The following VPS8 variants were observed in gnomAD, a reference collection of about 807,000 sequenced individuals.
VPS8 encodes vacuolar protein sorting-associated protein 8 homolog.
VPS8 carries 129 observed loss-of-function variants against 216.4 expected under a neutral mutation model. That is an observed-to-expected ratio of 0.60 (90% CI 0.52 to 0.69). The LOEUF (loss-of-function observed/expected upper bound fraction) is 0.69, where lower values mean the gene tolerates loss of function less well. Among genes scored for constraint, VPS8 ranks in the 30% least tolerant of loss-of-function variants. The pLI is 0.00. For synonymous variants in VPS8, 571 were observed against 565.4 expected (o/e 1.01, Z -0.14); for missense variants, 1,531 against 1,683.5 (o/e 0.91, Z 1.59).
In VPS8 at chr3:184,853,163, C is replaced by T. The variant is rs535135646; in HGVS notation, c.821+596C>T. Among the ~76,000 whole-genome samples, 9 of 152,200 alleles carry T rather than the reference C, an allele frequency of 5.9e-5. No homozygotes were observed. In the South Asian group the frequency reaches 8.3e-4, roughly 14 times the overall value. ...TCTTATTCAGTTAATGTTTATTGAGCATCTCCTATGTGTAGGTATTTATCT... is the reference window on the plus strand; with the variant it reads ...TCTTATTCAGTTAATGTTTATTGAGTATCTCCTATGTGTAGGTATTTATCT... On this transcript the variant is annotated intron_variant, in intron 11 of 47. Coordinates refer to ENST00000625842, the MANE Select transcript of VPS8 (RefSeq NM_001009921.3).
chr3:185,026,943 TCGTGATC>T (rs1435580664), intron 46 of VPS8, among the ~76,000 whole-genome samples: 1 of 151,854 alleles, frequency 6.6e-6, no homozygotes, highest in Non-Finnish European at 1.5e-5. Flanking sequence ...TCTCCTGACT[TCGTGATC>T]CACCCAACTC....
At chr3:185,020,863 A>G (rs1756551084) in intron 45 of VPS8, among the ~76,000 whole-genome samples, 1 of 152,224 alleles carries the variant, frequency 6.6e-6, no homozygotes, top group East Asian at 1.9e-4. Context: ...ATCTGAGGTC[A>G]GGAGTTCGAC....
At chr3:184,970,596 G>A (rs1220989410) in intron 39 of VPS8, among the ~76,000 whole-genome samples, 1 of 152,204 alleles carries the variant, frequency 6.6e-6, no homozygotes, top group Non-Finnish European at 1.5e-5. Flanking sequence ...CTAGTAATCA[G>A]CGAGTAAAAA....
intron 40 of VPS8, 35 bp downstream of exon 40, chr3:184,971,787 G>T: frequency 6.3e-7 from 1 of 1,579,520 alleles, no homozygotes; most frequent in Non-Finnish European, 8.7e-7. Context: ...TTAAAAGCCT[G>T]TACTTGGCCA....
In VPS8 at chr3:184,924,848, C is replaced by G; in HGVS notation, c.2455-14C>G. ...AAATGGTGTATTGAATAAATGGTCTCCTTTGCTCTTCAGGTTATGGTGGAG... is the reference window on the plus strand; with the variant it reads ...AAATGGTGTATTGAATAAATGGTCTGCTTTGCTCTTCAGGTTATGGTGGAG... On this transcript the variant is annotated splice_polypyrimidine_tract_variant and intron_variant, in intron 29 of 47. Coordinates refer to ENST00000625842, the MANE Select transcript of VPS8 (RefSeq NM_001009921.3). The G allele has an allele frequency of 6.2e-7, 1 of 1,604,138 alleles. No homozygotes were observed. Among genetic ancestry groups the G allele is most frequent in the South Asian group, 1.1e-5 (1 of 89,884 alleles).
chr3:184,833,019 G>A (rs999937232), intron 4 of VPS8, among the ~76,000 whole-genome samples, 200 bp downstream of exon 4: 4 of 152,046 alleles, frequency 2.6e-5, no homozygotes, highest in Non-Finnish European at 4.4e-5. Context: ...CTGAACTCTC[G>A]GTAGGAAACC....
chr3:184,829,820 T>A (rs909876526), intron 3 of VPS8, among the ~76,000 whole-genome samples: 7 of 152,248 alleles, frequency 4.6e-5, no homozygotes, highest in Non-Finnish European at 1.0e-4. Context: ...TGAATATCTC[T>A]TTTGTGAATT....
intron 8 of VPS8, among the ~76,000 whole-genome samples, chr3:184,846,388 C>G (rs79351432): frequency 0.027 from 4,095 of 152,264 alleles, 193 homozygotes; most frequent in African/African-American, 0.094. Context: ...TTTTAATCTA[C>G]AAGTTATGTC....
chr3:184,966,638 C>T, intron 38 of VPS8, 33 bp from the exon 39 acceptor site: 2 of 1,488,598 alleles, frequency 1.3e-6, no homozygotes, highest in South Asian at 1.4e-5. Context: ...TAAAGTGTTC[C>T]TTTTTAACTC....
chr3:184,983,896 C>A (rs1750617470), intron 42 of VPS8, among the ~76,000 whole-genome samples: 1 of 150,710 alleles, frequency 6.6e-6, no homozygotes, highest in African/African-American at 2.4e-5. Flanking sequence ...TAAGACTCAC[C>A]AAGCTTGGCC....
chr3:184,914,079 A>G (rs1737062619), intron 26 of VPS8, among the ~76,000 whole-genome samples: 2 of 152,228 alleles, frequency 1.3e-5, no homozygotes, highest in African/African-American at 4.8e-5. Context: ...CTAGTAGACT[A>G]TGCCAGCTCA....
chr3:184,960,741 C>G (rs1415971590), intron 37 of VPS8, among the ~76,000 whole-genome samples: 4 of 152,066 alleles, frequency 2.6e-5, no homozygotes, highest in South Asian at 2.1e-4. Flanking sequence ...TTTTGAGAAG[C>G]CTGTCAAACA....
At chr3:184,839,561 G>A in intron 6 of VPS8, 137 bp from the exon 7 acceptor site, 1 of 787,988 alleles carries the variant, frequency 1.3e-6, no homozygotes, top group South Asian at 2.0e-5. Context: ...TTTGCCTCCT[G>A]GATGAAATTC....
intron 25 of VPS8, among the ~76,000 whole-genome samples, chr3:184,910,128 ATTTTTTTTTTTTT>A (rs10707371): frequency 1.1e-5 from 1 of 87,262 alleles, no homozygotes; most frequent in African/African-American, 4.5e-5. Context: ...AGATTCTCCT[ATTTTTTTTTTTTT>A]TTTTTTTTTG....
intron 25 of VPS8, among the ~76,000 whole-genome samples, chr3:184,912,808 C>A (rs1003440331): frequency 6.6e-6 from 1 of 152,184 alleles, no homozygotes; most frequent in Non-Finnish European, 1.5e-5. Context: ...GTCCAGTATT[C>A]ATATTACCAA....
chr3:184,982,898 G>A, intron 41 of VPS8, 114 bp from the exon 42 acceptor site: 2 of 944,444 alleles, frequency 2.1e-6, no homozygotes, highest in Non-Finnish European at 3.0e-6. Flanking sequence ...AGAGGCCTTG[G>A]TTAGCTAAGT....
At chr3:185,026,746 TC>T (rs1176575543) in intron 46 of VPS8, among the ~76,000 whole-genome samples, 2 of 139,092 alleles carry the variant, frequency 1.4e-5, no homozygotes, top group Non-Finnish European at 3.1e-5. Flanking sequence ...TCTCACTCTG[TC>T]GCCCAGGCTG....
intron 42 of VPS8, among the ~76,000 whole-genome samples, chr3:184,984,183 C>CAAAAAAAAAAAAAAAAAAAAA (rs1453935100): frequency 0.16 from 476 of 2,886 alleles, 234 homozygotes; most frequent in East Asian, 0.23. Flanking sequence ...GACTCCGTCT[C>CAAAAAAAAAAAAAAAAAAAAA]AAAAAAAAAA....
At chr3:184,992,802 A>C (rs1752080905) in intron 42 of VPS8, among the ~76,000 whole-genome samples, 1 of 152,192 alleles carries the variant, frequency 6.6e-6, no homozygotes, top group East Asian at 1.9e-4. Context: ...AGGTCAGTGA[A>C]GTGAGCACAT....
Sources: allele counts gnomAD v4.1 joint callset (sites outside exome capture counted in the v4.1 genomes callset), GRCh38; gene constraint gnomAD v4.1.1; transcripts MANE v1.5; gene names NCBI Gene and HGNC (gene_info 2026-07-23, HGNC 2026-07-21).